AZI2: variants seen among roughly 807,000 people sequenced by gnomAD.
AZI2 encodes the protein 5-azacytidine-induced protein 2.
Under a neutral mutation model 45.8 loss-of-function variants are expected in AZI2, and 22 were observed. That is an observed-to-expected ratio of 0.48 (90% CI 0.34 to 0.69). The LOEUF (loss-of-function observed/expected upper bound fraction) is 0.69. Among genes scored for constraint, AZI2 ranks in the 30% least tolerant of loss-of-function variants. The pLI, the probability that AZI2 is intolerant of heterozygous loss-of-function variation, is 0.01. For synonymous variants in AZI2, 137 were observed against 156.7 expected, an observed-to-expected ratio of 0.87 and a Z score of 0.94; for missense variants, 417 against 441.5, an observed-to-expected ratio of 0.94 and a Z score of 0.50.
intron 6 of AZI2, among the ~76,000 whole-genome samples, chr3:28,329,921 T>C (rs1164608788): frequency 1.3e-5 from 2 of 151,286 alleles, no homozygotes; most frequent in African/African-American, 4.8e-5. Flanking sequence ...TTCTGACTTA[T>C]TCCATATTTT....
At chr3:28,348,290 A>C (rs1434607002) in intron 1 of AZI2, 1 of 152,170 alleles carries the variant, frequency 6.6e-6, no homozygotes. Context: ...AGCAGTCTCA[A>C]TGAATGAAAA....
At chr3:28,343,008 C>T (rs1176023386) in intron 1 of AZI2, among the ~76,000 whole-genome samples, 1 of 152,076 alleles carries the variant, frequency 6.6e-6, no homozygotes, top group Non-Finnish European at 1.5e-5. Context: ...GGCTCACGCA[C>T]TTCTGTTTTA....
intron 1 of AZI2, 61 bp downstream of exon 1, chr3:28,348,540 G>C (rs1704369821): frequency 6.6e-6 from 1 of 152,668 alleles, no homozygotes; most frequent in Non-Finnish European, 1.5e-5. Flanking sequence ...AACAGCTACG[G>C]AGGTTGGCCG....
chr3:28,324,027 T>C lies in AZI2; in HGVS notation c.*15A>G, dbSNP rs1395683139. ...GATAAGTGTCCTCATGGTGAAATCG[T>C]GAATCTCTTCCAAATTAATTCTTAT... On this transcript the variant is annotated 3_prime_UTR_variant, in exon 8 of 8. Transcript: ENST00000479665. The C allele has an allele frequency of 1.3e-6, 2 of 1,587,244 alleles. No individual in the cohort carries two copies. Among genetic ancestry groups the C allele is most frequent in the African/African-American group, 2.7e-5 (2 of 73,854 alleles).
chr3:28,332,393 T>A lies in AZI2; in HGVS notation c.623A>T (p.Asp208Val). The A allele has an allele frequency of 3.1e-6, 5 of 1,608,820 alleles. No homozygotes were observed. Among genetic ancestry groups the A allele is most frequent in the Non-Finnish European group, 4.3e-6 (5 of 1,176,366 alleles). ...PYQEDNLKSR[D>V]LQKLSISSDN... is the part of the protein sequence containing the mutation. ...CCTTGAAATGCTTAGTTTTTGGAGATCTCTGCTCTTCAGATTGTCTTCCTG... is the reference window on the plus strand; with the variant it reads ...CCTTGAAATGCTTAGTTTTTGGAGAACTCTGCTCTTCAGATTGTCTTCCTG... Residue 208 changes from aspartate to valine, a missense_variant, in exon 6 of 8, where the codon GAT (aspartate) becomes GTT (valine). Coordinates refer to ENST00000479665, the MANE Select transcript of AZI2 (RefSeq NM_022461.5).
Position 28,323,932 on chromosome 3 carries a change from CCT to C in AZI2, c.*108_*109del, listed in dbSNP as rs765985785. ...TGTGTTCAAATATAGATACTGAAGACCTCTGCAAAATTTTAATCAAAATCTCC... is the reference window on the plus strand; with the variant it reads ...TGTGTTCAAATATAGATACTGAAGACCTGCAAAATTTTAATCAAAATCTCC... On this transcript the variant is annotated 3_prime_UTR_variant, in exon 8 of 8. Coordinates refer to ENST00000479665, the MANE Select transcript of AZI2 (RefSeq NM_022461.5). 91 of 1,293,154 alleles carry C rather than the reference CCT, an allele frequency of 7.0e-5. No homozygotes were observed. Among genetic ancestry groups the C allele is most frequent in the Non-Finnish European group, 9.3e-5 (87 of 936,872 alleles). 80.1% of individuals were successfully genotyped at this position (1,293,154 alleles called of 1,614,324 possible). A position where few individuals can be genotyped will look rare whatever the true frequency, so the allele number is the denominator to read the frequency against.
At chr3:28,330,008 CT>C (rs546274743) in intron 6 of AZI2, among the ~76,000 whole-genome samples, 5 of 150,648 alleles carry the variant, frequency 3.3e-5, no homozygotes, top group South Asian at 2.1e-4. Context: ...CTAACCTAAT[CT>C]TTTTTTTTCT....
At chr3:28,338,824 C>T (rs1432825954) in intron 2 of AZI2, among the ~76,000 whole-genome samples, 2 of 152,138 alleles carry the variant, frequency 1.3e-5, no homozygotes, top group African/African-American at 2.4e-5. Flanking sequence ...TATGCTTTTA[C>T]ATAATCAGTA....
intron 1 of AZI2, among the ~76,000 whole-genome samples, chr3:28,346,689 ACAAT>A (rs1318523508): frequency 6.6e-6 from 1 of 152,186 alleles, no homozygotes; most frequent in African/African-American, 2.4e-5. Context: ...CCTATTTCGT[ACAAT>A]CAGTCAAAAT....
In AZI2 at chr3:28,322,656, A is replaced by AGAT. The variant is rs1303042199; in HGVS notation, c.*1383_*1385dup. 6.6e-6 allele frequency: 1 copy of AGAT among 151,580 alleles called. No individual in the cohort carries two copies. Among genetic ancestry groups the AGAT allele is most frequent in the Non-Finnish European group, 1.5e-5 (1 of 67,414 alleles). 9.4% of individuals were successfully genotyped at this position (151,580 alleles called of 1,614,324 possible). On this transcript the variant is annotated 3_prime_UTR_variant, in exon 8 of 8. Coordinates refer to ENST00000479665, the MANE Select transcript of AZI2 (RefSeq NM_022461.5). ...GGGTTTGGTTCTATTACTTGGCAGG[A>AGAT]GATTGTACTCCCCTGAGTCAGCTGT...
chr3:28,325,470 A>G (rs1295898255), intron 7 of AZI2, among the ~76,000 whole-genome samples: 4 of 151,080 alleles, frequency 2.6e-5, no homozygotes, highest in Non-Finnish European at 5.9e-5. Flanking sequence ...AAAGGTCAGG[A>G]GAAAGGTGGT....
intron 1 of AZI2, among the ~76,000 whole-genome samples, chr3:28,342,907 T>C (rs954600212): frequency 4.6e-5 from 7 of 152,054 alleles, no homozygotes; most frequent in Non-Finnish European, 8.8e-5. Flanking sequence ...GATGTGGATT[T>C]TTTCTAAAGA....
At chr3:28,336,636 C>A (rs967076448) in intron 5 of AZI2, 101 bp downstream of exon 5, 3 of 1,216,944 alleles carry the variant, frequency 2.5e-6, no homozygotes, top group African/African-American at 3.1e-5. Context: ...TAAATAATTA[C>A]AATTTATTTT....
chr3:28,331,920 C>A (rs1339988787), intron 6 of AZI2: 1 of 1,547,084 alleles, frequency 6.5e-7, no homozygotes. Context: ...CATGATTGCG[C>A]CACTGCACTC....
intron 3 of AZI2, 132 bp downstream of exon 3, chr3:28,338,361 A>G (rs1703880957): frequency 1.4e-5 from 14 of 986,190 alleles, no homozygotes; most frequent in Non-Finnish European, 1.9e-5. Flanking sequence ...TAAAATTTCC[A>G]TTTTGCCTTG....
intron 5 of AZI2, among the ~76,000 whole-genome samples, chr3:28,335,468 G>A (rs1703753419): frequency 6.6e-6 from 1 of 151,892 alleles, no homozygotes; most frequent in South Asian, 2.1e-4. Context: ...GCTCAAAGCT[G>A]GGGGAATCAA....
intron 1 of AZI2, among the ~76,000 whole-genome samples, chr3:28,347,950 C>T (rs1169411121): frequency 6.6e-6 from 1 of 152,210 alleles, no homozygotes; most frequent in Non-Finnish European, 1.5e-5. Context: ...TCTTTGATCA[C>T]CTTAGCAAAT....
At chr3:28,347,826 G>T (rs189635299) in intron 1 of AZI2, among the ~76,000 whole-genome samples, 1 of 152,210 alleles carries the variant, frequency 6.6e-6, no homozygotes, top group African/African-American at 2.4e-5. Context: ...CGTTTTTAGA[G>T]AAATGAAATT....
At chr3:28,335,674 C>T in intron 5 of AZI2, among the ~76,000 whole-genome samples, 1 of 151,896 alleles carries the variant, frequency 6.6e-6, no homozygotes, top group East Asian at 1.9e-4. Context: ...GTGGTCACCT[C>T]TCATAAAAAC....
Sources: gnomAD v4.1 joint callset for allele counts (sites outside exome capture counted in the v4.1 genomes callset) on GRCh38, gnomAD v4.1.1 for gene constraint, MANE v1.5 for transcripts, NCBI Gene and HGNC (gene_info 2026-07-23, HGNC 2026-07-21) for gene names.